Variants in E2F8 observed in about 807,000 individuals in gnomAD.
E2F8 encodes the protein transcription factor E2F8.
E2F8 carries 35 observed loss-of-function variants against 80.8 expected under a neutral mutation model. The observed-to-expected ratio is 0.43, with a 90% CI of 0.33 to 0.57. E2F8 has a LOEUF of 0.57. Ranked by LOEUF, E2F8 falls within the 20% of genes least tolerant of loss-of-function variation. The pLI is 0.04. For missense variants in E2F8, 975 were observed against 1,056.2 expected (o/e 0.92, Z 1.07); for synonymous variants, 386 against 395.0 (o/e 0.98, Z 0.27).
intron 9 of E2F8, 75 bp from the exon 10 acceptor site, chr11:19,230,063 T>C (rs1851336652): frequency 6.4e-7 from 1 of 1,574,646 alleles, no homozygotes. Flanking sequence ...TTAAGCCTCA[T>C]ATTGAAGCCA....
chr11:19,225,971 A>T, intron 10 of E2F8, 107 bp from the exon 11 acceptor site: 3 of 1,368,552 alleles, frequency 2.2e-6, no homozygotes, highest in Non-Finnish European at 3.0e-6. Flanking sequence ...TCATTGGACC[A>T]AAGCCTCCAG....
In E2F8 at chr11:19,225,334, C is replaced by T. The variant is rs999083209; in HGVS notation, c.2308G>A (p.Val770Ile). Residue 770 changes from valine (V) to isoleucine (I), a missense_variant, in exon 12 of 13, where the codon GTC (valine) becomes ATC (isoleucine). Coordinates refer to ENST00000250024, the MANE Select transcript of E2F8 (RefSeq NM_024680.4). ...TGAGTGCCTGCATTTTCTGGTGCGA[C>T]ATTAACAGACTCTATTCTTGGAGAC... is the stretch of plus-strand genomic sequence containing the variant. Reference protein sequence around the residue: ...PVSPRIESVNVAPENAGTQQG... With the variant: ...PVSPRIESVNIAPENAGTQQG... 9.3e-6 allele frequency: 15 copies of T among 1,614,072 alleles called. No homozygotes were observed. The highest frequency in any genetic ancestry group is 1.3e-5 in the Non-Finnish European group (15 of 1,180,054).
Position 19,240,095 on chromosome 11 carries a change from G to A in E2F8, c.15+12C>T, listed in dbSNP as rs1305365874. On this transcript the variant is annotated intron_variant, in intron 2 of 12. Transcript: ENST00000250024. ...TAAAATTGCAATGATGAATACTGAAGTTATAAAGTACCTTTTCGTTCTCCA... is the reference window on the plus strand; with the variant it reads ...TAAAATTGCAATGATGAATACTGAAATTATAAAGTACCTTTTCGTTCTCCA... The A allele has an allele frequency of 6.6e-7, 1 of 1,526,070 alleles. No individual in the cohort carries two copies. The highest frequency in any genetic ancestry group is 8.8e-7 in the Non-Finnish European group (1 of 1,132,410). 94.5% of individuals were successfully genotyped at this position (1,526,070 alleles called of 1,614,324 possible). A position where few individuals can be genotyped will look rare whatever the true frequency, so the allele number is the denominator to read the frequency against.
intron 10 of E2F8, among the ~76,000 whole-genome samples, chr11:19,227,885 C>T (rs1013222683): frequency 3.3e-5 from 5 of 152,118 alleles, no homozygotes; most frequent in Admixed American, 6.5e-5. Context: ...CTCAGGAGTT[C>T]GAGACCAGGC....
At chr11:19,230,516 G>A (rs1034945298) in intron 8 of E2F8, 115 bp downstream of exon 8, 3 of 1,290,090 alleles carry the variant, frequency 2.3e-6, no homozygotes, top group Non-Finnish European at 3.3e-6. Flanking sequence ...AGAGGGTTTG[G>A]GTATATAGAT....
In E2F8 at chr11:19,229,330, G is replaced by T; in HGVS notation, c.1893+124C>A. 1 of 1,327,446 alleles carries T rather than the reference G, an allele frequency of 7.5e-7. No homozygotes were observed. The highest frequency in any genetic ancestry group is 1.0e-6 in the Non-Finnish European group (1 of 968,628). 82.2% of individuals were successfully genotyped at this position (1,327,446 alleles called of 1,614,324 possible). A position where few individuals can be genotyped will look rare whatever the true frequency, so the allele number is the denominator to read the frequency against. On this transcript the variant is annotated intron_variant, in intron 10 of 12. Transcript: ENST00000250024. The surrounding 1 kb of genome is among the most constrained non-coding windows in gnomAD (Gnocchi z 4.3). ...GTTGAGGGCCTCACTTGGATTATGG[G>T]ATGCTAAGGAACAGTTCCTTGTCTT...
chr11:19,230,090 G>A (rs1242265353), intron 9 of E2F8, 102 bp from the exon 10 acceptor site: 1 of 1,533,190 alleles, frequency 6.5e-7, no homozygotes, highest in South Asian at 1.2e-5. Flanking sequence ...TATGGAACAT[G>A]CAGATAATTT....
Position 19,224,464 on chromosome 11 carries a change from A to AAT in E2F8, c.*192_*193dup, listed in dbSNP as rs1412672989. ...TGAAAGCTAAACTTAGCTTTATACAAATATATGTGTGTGTGTGTGTGTGTG... is the reference window on the plus strand; with the variant it reads ...TGAAAGCTAAACTTAGCTTTATACAAATATATATGTGTGTGTGTGTGTGTGTG... On this transcript the variant is annotated 3_prime_UTR_variant, in exon 13 of 13. Transcript: ENST00000250024. 3 of 460,872 alleles carry AAT rather than the reference A, an allele frequency of 6.5e-6. No individual in the cohort carries two copies. Among genetic ancestry groups the AAT allele is most frequent in the East Asian group, 3.5e-5 (1 of 28,278 alleles). 28.5% of individuals were successfully genotyped at this position (460,872 alleles called of 1,614,324 possible).
intron 10 of E2F8, among the ~76,000 whole-genome samples, chr11:19,228,433 G>A (rs575705413): frequency 6.6e-6 from 1 of 152,134 alleles, no homozygotes; most frequent in South Asian, 2.1e-4. Flanking sequence ...CGTCTTAAAA[G>A]GATCAAACCC....
intron 10 of E2F8, 61 bp from the exon 11 acceptor site, chr11:19,225,925 T>G: frequency 6.4e-7 from 1 of 1,567,308 alleles, no homozygotes; most frequent in Non-Finnish European, 8.6e-7. Context: ...AATGGCCACG[T>G]GCCTCTTTCA....
intron 9 of E2F8, 122 bp from the exon 10 acceptor site, chr11:19,230,110 G>C: frequency 1.3e-6 from 2 of 1,489,204 alleles, no homozygotes; most frequent in Admixed American, 1.8e-5. Context: ...TCTGTAATGA[G>C]TGAGTATGAG....
chr11:19,236,440 G>C (rs1851521059), intron 4 of E2F8, among the ~76,000 whole-genome samples: 2 of 152,142 alleles, frequency 1.3e-5, no homozygotes, highest in East Asian at 3.8e-4. Flanking sequence ...CTAGAATATA[G>C]GTTCTAAGAG....
rs192419472 is a variant in E2F8, at chr11:19,224,636, A to C, written c.*22T>G. The C allele has an allele frequency of 1.4e-4, 221 of 1,609,304 alleles. No individual in the cohort carries two copies. Among genetic ancestry groups the C allele is most frequent in the Admixed American group, 9.2e-4 (55 of 59,786 alleles). ...CTATTAAACAACTCTTTAGAAAATT[A>C]AACTAAGCCAACATCTGTTGATTAA... On this transcript the variant is annotated 3_prime_UTR_variant, in exon 13 of 13. Transcript: ENST00000250024.
At position 19,224,522 on chromosome 11, in the gene E2F8, ACTAT is replaced by A; in HGVS notation, c.*132_*135del. 1.4e-6 allele frequency: 1 copy of A among 724,276 alleles called. No homozygotes were observed. The highest frequency in any genetic ancestry group is 2.2e-6 in the Non-Finnish European group (1 of 450,118). 44.9% of individuals were successfully genotyped at this position (724,276 alleles called of 1,614,324 possible). On this transcript the variant is annotated 3_prime_UTR_variant, in exon 13 of 13. Transcript: ENST00000250024. Reference sequence around the variant, plus strand: ...GTATATATATATATGTATGAAAACAACTATCTGATTTCACATTGAACAAATCCCC... The same window carrying A: ...GTATATATATATATGTATGAAAACAACTGATTTCACATTGAACAAATCCCC...
rs770602196 is a variant in E2F8 at position 19,225,873 on chromosome 11, C to T, written c.1894-9G>A. 12 of 1,611,520 alleles carry T rather than the reference C, an allele frequency of 7.4e-6. No individual in the cohort carries two copies. In the South Asian group the frequency reaches 1.1e-4, roughly 15 times the overall value. On this transcript the variant is annotated splice_polypyrimidine_tract_variant and intron_variant, in intron 10 of 12. Coordinates refer to ENST00000250024, the MANE Select transcript of E2F8 (RefSeq NM_024680.4). ...CCTGATGGGAACAAGGTCTAGAAAA[C>T]AAGGAGGAAGGGTTTATTTTACACA...
rs367826066 is a variant in E2F8 at position 19,238,085 on chromosome 11, A to T, written c.63T>A (p.Pro21=). Residue 21 remains proline (P), a synonymous_variant, in exon 3 of 13, where the codon CCT becomes CCA. Coordinates refer to ENST00000250024, the MANE Select transcript of E2F8 (RefSeq NM_024680.4). ...TATTTGCTGTGGTGGATTCTTTCAG[A>T]GGTGTTTTCATTAGTCCCCTTTTAT... ...EPHKRGLMKT[P]LKESTTANIV... The T allele has an allele frequency of 6.2e-7, 1 of 1,614,120 alleles. No homozygotes were observed. Among genetic ancestry groups the T allele is most frequent in the Non-Finnish European group, 8.5e-7 (1 of 1,180,026 alleles).
At position 19,240,215 on chromosome 11, in the gene E2F8, T is replaced by A; in HGVS notation, c.-94A>T. On this transcript the variant is annotated 5_prime_UTR_variant, in exon 2 of 13. Coordinates refer to ENST00000250024, the MANE Select transcript of E2F8 (RefSeq NM_024680.4). Reference sequence around the variant, plus strand: ...GTTCAAGTAGTCCAATCAATTGTACTAAAAGTTTTAATATCCTTAAAGAAA... The same window carrying A: ...GTTCAAGTAGTCCAATCAATTGTACAAAAAGTTTTAATATCCTTAAAGAAA... 1 of 741,430 alleles carries A rather than the reference T, an allele frequency of 1.3e-6. No individual in the cohort carries two copies. The highest frequency in any genetic ancestry group is 2.1e-6 in the Non-Finnish European group (1 of 485,050). 45.9% of individuals were successfully genotyped at this position (741,430 alleles called of 1,614,324 possible).
At chr11:19,233,178 C>T (rs139734734) in intron 6 of E2F8, among the ~76,000 whole-genome samples, 119 of 152,276 alleles carry the variant, frequency 7.8e-4, no homozygotes, top group African/African-American at 2.7e-3. Context: ...CCCGATCTCC[C>T]GAGCCAAGTG....
intron 3 of E2F8, 72 bp downstream of exon 3, chr11:19,237,782 C>G: frequency 1.3e-6 from 2 of 1,535,654 alleles, no homozygotes; most frequent in Non-Finnish European, 1.8e-6. Flanking sequence ...GCTGGCACTT[C>G]TCTAATAGCT....
Sources: gnomAD v4.1 joint callset for allele counts (sites outside exome capture counted in the v4.1 genomes callset) on GRCh38, gnomAD v4.1.1 for gene constraint, Gnocchi (gnomAD v3.1) non-coding constraint, MANE v1.5 for transcripts, NCBI Gene and HGNC (gene_info 2026-07-23, HGNC 2026-07-21) for gene names.